Variants in DDI2 observed in about 807,000 individuals in gnomAD.
DDI2 encodes the protein protein DDI1 homolog 2.
In DDI2, 5 loss-of-function variants were observed where a neutral mutation model predicts 48.1. That is an observed-to-expected ratio of 0.10 (90% CI 0.05 to 0.22). The LOEUF is 0.22. DDI2 is among the 10% of genes least tolerant of loss of function. The pLI, the probability that DDI2 is intolerant of heterozygous loss-of-function variation, is 1.00. For missense variants in DDI2, 285 were observed against 506.2 expected (o/e 0.56, Z 4.19); for synonymous variants, 205 against 183.6 (o/e 1.12, Z -0.94).
In DDI2 at chr1:15,662,995, G is replaced by A. The variant is rs1640404508; in HGVS notation, c.*3205G>A. The A allele has an allele frequency of 1.3e-5, 2 of 152,074 alleles. No homozygotes were observed. Among genetic ancestry groups the A allele is most frequent in the Admixed American group, 1.3e-4 (2 of 15,264 alleles). The allele number at this position is 152,074 out of a possible 1,614,324, so 9.4% of individuals were successfully genotyped here. Reference sequence around the variant, plus strand: ...TTTTTTTATATAAGGACTAGCCCTTGGAAATCATTGTCCTGTGGGCCCCAC... The same window carrying A: ...TTTTTTTATATAAGGACTAGCCCTTAGAAATCATTGTCCTGTGGGCCCCAC... On this transcript the variant is annotated 3_prime_UTR_variant, in exon 10 of 10. Coordinates refer to ENST00000480945, the MANE Select transcript of DDI2 (RefSeq NM_032341.5).
intron 5 of DDI2, among the ~76,000 whole-genome samples, chr1:15,640,044 T>C (rs557713192): frequency 3.7e-4 from 56 of 152,008 alleles, no homozygotes; most frequent in African/African-American, 1.3e-3. Flanking sequence ...AGTTTGTATC[T>C]TGAGATACAG....
In DDI2 at chr1:15,649,814, A is replaced by G. The variant is rs1640150091; in HGVS notation, c.984A>G (p.Lys328=). Residue 328 remains lysine (K), a synonymous_variant, in exon 7 of 10, where the codon AAA becomes AAG. Coordinates refer to ENST00000480945, the MANE Select transcript of DDI2 (RefSeq NM_032341.5). ...MDMLLGLDML[K]RHQCSIDLKK... Reference sequence around the variant, plus strand: ...TGCTTCTGGGACTGGACATGCTTAAACGGCACCAGGTAATTAAGAGCTTCA... The same window carrying G: ...TGCTTCTGGGACTGGACATGCTTAAGCGGCACCAGGTAATTAAGAGCTTCA... 1 of 1,610,176 alleles carries G rather than the reference A, an allele frequency of 6.2e-7. No homozygotes were observed. Among genetic ancestry groups the G allele is most frequent in the East Asian group, 2.2e-5 (1 of 44,666 alleles).
At chr1:15,624,728 A>G (rs1201530481) in intron 1 of DDI2, among the ~76,000 whole-genome samples, 2 of 152,038 alleles carry the variant, frequency 1.3e-5, no homozygotes, top group Non-Finnish European at 2.9e-5. Context: ...TAGCCTTCCA[A>G]TGGAACGCTA....
chr1:15,633,810 A>T, intron 4 of DDI2: 1 of 508,500 alleles, frequency 2.0e-6, no homozygotes, highest in South Asian at 1.5e-5. Flanking sequence ...GGACTCCCTG[A>T]CTAGCAGACA....
intron 3 of DDI2, among the ~76,000 whole-genome samples, chr1:15,631,312 T>C (rs1006235246): frequency 6.6e-6 from 1 of 152,206 alleles, no homozygotes; most frequent in Admixed American, 6.5e-5. Flanking sequence ...GATGGAGTTT[T>C]GCCATGTTGT....
intron 4 of DDI2, among the ~76,000 whole-genome samples, chr1:15,637,347 C>T (rs1284699478): frequency 6.6e-6 from 1 of 152,080 alleles, no homozygotes; most frequent in African/African-American, 2.4e-5. Context: ...AGTGCTGGGA[C>T]TACAGGTGTG....
chr1:15,623,986 C>T (rs1398240451), intron 1 of DDI2, among the ~76,000 whole-genome samples: 7 of 151,970 alleles, frequency 4.6e-5, no homozygotes, highest in African/African-American at 1.4e-4. Context: ...ACCTGGGAGG[C>T]GGAGCTTACA....
At chr1:15,630,280 T>G in intron 2 of DDI2, 45 bp from the exon 3 acceptor site, 1 of 1,592,426 alleles carries the variant, frequency 6.3e-7, no homozygotes, top group Non-Finnish European at 8.6e-7. Flanking sequence ...AAGTGCTTGT[T>G]TTTGTAGAGT....
In DDI2 at chr1:15,666,762, AT is replaced by A. The variant is rs1640459062; in HGVS notation, c.*6976del. The A allele has an allele frequency of 6.6e-6, 1 of 152,194 alleles. No homozygotes were observed. Among genetic ancestry groups the A allele is most frequent in the Admixed American group, 6.5e-5 (1 of 15,280 alleles). The allele number at this position is 152,194 out of a possible 1,614,324, so 9.4% of individuals were successfully genotyped here. ...AGTCTAGAAGGGAGACGTGAAACAA[AT>A]TTTAGCTTCAAAAGCAACATCTATT... On this transcript the variant is annotated 3_prime_UTR_variant, in exon 10 of 10. Transcript: ENST00000480945.
intron 6 of DDI2, among the ~76,000 whole-genome samples, chr1:15,647,092 A>G (rs1006894355): frequency 1.3e-5 from 2 of 152,132 alleles, no homozygotes; most frequent in African/African-American, 4.8e-5. Context: ...AAATGAATAA[A>G]TGTATAGCAT....
chr1:15,636,479 A>G (rs60513147), intron 4 of DDI2, among the ~76,000 whole-genome samples: 15,492 of 134,660 alleles, frequency 0.12, 1,089 homozygotes, highest in African/African-American at 0.26. Context: ...ACCATAAAAC[A>G]GGGCAAAAAA....
Position 15,661,115 on chromosome 1 carries a change from T to TTCA in DDI2, c.*1329_*1331dup. The TTCA allele has an allele frequency of 6.2e-7, 1 of 1,613,808 alleles. No individual in the cohort carries two copies. Among genetic ancestry groups the TTCA allele is most frequent in the Non-Finnish European group, 8.5e-7 (1 of 1,179,870 alleles). ...AATGAACAGTGTCCACAAGTCTCCT[T>TTCA]TCATCAGGCCATATCTGTATCAGTG... is the stretch of plus-strand genomic sequence containing the variant. On this transcript the variant is annotated 3_prime_UTR_variant, in exon 10 of 10. Transcript: ENST00000480945.
chr1:15,637,182 G>C (rs575219330), intron 4 of DDI2, among the ~76,000 whole-genome samples: 2 of 152,322 alleles, frequency 1.3e-5, no homozygotes, highest in African/African-American at 2.4e-5. Flanking sequence ...TGCTTTTCTC[G>C]TGTAAGAATT....
rs1217569631 is a variant in DDI2 at position 15,660,125 on chromosome 1, A to G, written c.*335A>G. The stretch of plus-strand genomic sequence containing the variant: ...TCTGATCATGCTTCCTCAGCAGACC[A>G]TGCTCCAACAGACCAGAGTCCAGCT... On this transcript the variant is annotated 3_prime_UTR_variant, in exon 10 of 10. Transcript: ENST00000480945. The G allele has an allele frequency of 5.0e-6, 8 of 1,614,118 alleles. No homozygotes were observed. Among genetic ancestry groups the G allele is most frequent in the Non-Finnish European group, 6.8e-6 (8 of 1,180,058 alleles).
In DDI2 at chr1:15,639,466, GCT is replaced by G. The variant is rs200871831; in HGVS notation, c.760+1044_760+1045del. ...ATTCCTGAGCACATGCTGGGTTTCA[GCT>G]CTCTCTCTCTCATTTTTTAAAGAGA... On this transcript the variant is annotated intron_variant, in intron 5 of 9. Coordinates refer to ENST00000480945, the MANE Select transcript of DDI2 (RefSeq NM_032341.5). 3.3e-5 allele frequency among the ~76,000 whole-genome samples: 5 copies of G among 151,778 alleles called. No homozygotes were observed. In the South Asian group the frequency reaches 1.0e-3, roughly 32 times the overall value.
In DDI2 at chr1:15,659,985, T is replaced by C; in HGVS notation, c.*195T>C. 6.2e-7 allele frequency: 1 copy of C among 1,614,218 alleles called. No individual in the cohort carries two copies. The highest frequency in any genetic ancestry group is 1.6e-4 in the Middle Eastern group (1 of 6,062). On this transcript the variant is annotated 3_prime_UTR_variant, in exon 10 of 10. Coordinates refer to ENST00000480945, the MANE Select transcript of DDI2 (RefSeq NM_032341.5). ...GCTCTGTCTCTGCTTCAGTCTGCCCTATCAAGCCCAGTGACTCAGATCGCA... is the reference window on the plus strand; with the variant it reads ...GCTCTGTCTCTGCTTCAGTCTGCCCCATCAAGCCCAGTGACTCAGATCGCA...
At chr1:15,632,847 A>G (rs1414585933) in intron 3 of DDI2, among the ~76,000 whole-genome samples, 1 of 151,818 alleles carries the variant, frequency 6.6e-6, no homozygotes, top group African/African-American at 2.4e-5. Context: ...TTTAAATTGG[A>G]AAGTTGTTAC....
rs1282349622 is a variant in DDI2, at chr1:15,633,492, C to A, written c.559C>A (p.Gln187Lys). ...EQQQDRARRE[Q>K]ERIRLFSADP... is the part of the protein sequence containing the mutation. ...GCAGCAGGACCGAGCCCGGAGAGAGCAAGAAAGGATTCGTCTGTTTTCTGC... is the reference window on the plus strand; with the variant it reads ...GCAGCAGGACCGAGCCCGGAGAGAGAAAGAAAGGATTCGTCTGTTTTCTGC... The change falls in exon 4 of 10, where the codon CAA (glutamine) becomes AAA (lysine). Residue 187 changes from glutamine to lysine, a missense_variant. Gln to Lys is a moderately conservative substitution (Grantham distance 53). This residue lies in a region of DDI2 where 149 missense variants were observed against 236.5 expected (regional missense o/e 0.63). Transcript: ENST00000480945. The A allele has an allele frequency of 6.2e-7, 1 of 1,613,710 alleles. No homozygotes were observed. The highest frequency in any genetic ancestry group is 1.3e-5 in the African/African-American group (1 of 74,990).
intron 1 of DDI2, among the ~76,000 whole-genome samples, chr1:15,618,595 G>A (rs1321889919): frequency 3.9e-5 from 6 of 152,162 alleles, no homozygotes; most frequent in Admixed American, 3.9e-4. Flanking sequence ...TATCAGTGCT[G>A]TTTGGTGGTT....
Sources: allele counts gnomAD v4.1 joint callset (sites outside exome capture counted in the v4.1 genomes callset), GRCh38; gene constraint gnomAD v4.1.1; regional missense constraint gnomAD v4.1.1; transcripts MANE v1.5; gene names NCBI Gene and HGNC (gene_info 2026-07-23, HGNC 2026-07-21).